The following ZNF738 variants were observed in gnomAD, a reference collection of about 807,000 sequenced individuals.
The protein encoded by ZNF738 is protein ZNF738.
In ZNF738, 10 loss-of-function variants were observed where a neutral mutation model predicts 9.2. That is an observed-to-expected ratio of 1.09 (90% CI 0.67 to 1.85). The LOEUF is 1.85. Among genes scored for constraint, ZNF738 ranks in the 40% most tolerant of loss-of-function variants. ZNF738 has a pLI of 0.00. For synonymous variants in ZNF738, 113 were observed against 94.5 expected (o/e 1.20, Z -1.14); for missense variants, 346 against 283.6 (o/e 1.22, Z -1.58).
At chr19:21,368,052 A>C (rs1241883597) in intron 2 of ZNF738, among the ~76,000 whole-genome samples, 1 of 152,194 alleles carries the variant, frequency 6.6e-6, no homozygotes, top group Non-Finnish European at 1.5e-5. Flanking sequence ...CAGAACAAAC[A>C]GTTCTTTCCA....
chr19:21,382,709 T>C (rs1401855782), intron 4 of ZNF738, among the ~76,000 whole-genome samples, 157 bp from the exon 5 acceptor site: 1 of 152,208 alleles, frequency 6.6e-6, no homozygotes, highest in Non-Finnish European at 1.5e-5. Flanking sequence ...GTTAGTATGT[T>C]TTTGTTACAT....
rs1974028436 is a variant in ZNF738 at position 21,383,333 on chromosome 19, G to C, written c.787G>C (p.Glu263Gln). Residue 263 changes from glutamate to glutamine, a missense_variant, in exon 5 of 5, where the codon GAA becomes CAA. Glu to Gln is a conservative substitution (Grantham distance 29, BLOSUM62 2). Coordinates refer to ENST00000683779, the MANE Select transcript of ZNF738 (RefSeq NM_001355237.2). ...IHTGDKSYKH[E>Q]ECGKGFNHST... ...TACTGGAGACAAATCCTACAAACAT[G>C]AAGAATGTGGAAAAGGTTTTAACCA... The C allele has an allele frequency of 1.5e-6, 2 of 1,373,274 alleles. No homozygotes were observed. The highest frequency in any genetic ancestry group is 2.0e-6 in the Non-Finnish European group (2 of 981,320). The allele number at this position is 1,373,274 out of a possible 1,614,324, so 85.1% of individuals were successfully genotyped here.
At chr19:21,376,100 G>GT (rs1188385681) in intron 4 of ZNF738, 136 bp downstream of exon 4, 2 of 474,986 alleles carry the variant, frequency 4.2e-6, no homozygotes, top group Non-Finnish European at 7.7e-6. Flanking sequence ...GAGGTGTGTG[G>GT]TTTTTTTGTT....
intron 2 of ZNF738, 84 bp downstream of exon 2, chr19:21,361,942 A>C (rs568790079): frequency 1.6e-6 from 1 of 638,324 alleles, no homozygotes; most frequent in Non-Finnish European, 2.9e-6. Context: ...TTAGCCAAGC[A>C]TGGTGGTGCA....
chr19:21,383,765 A>ACC lies in ZNF738; in HGVS notation c.*91_*92insCC. On this transcript the variant is annotated 3_prime_UTR_variant, in exon 5 of 5. Coordinates refer to ENST00000683779, the MANE Select transcript of ZNF738 (RefSeq NM_001355237.2). ...ACCCTACAAATGTGAGGAATGTGGCAAAGCTTTTAAACAGTCCTCAAACCT... is the reference window on the plus strand; with the variant it reads ...ACCCTACAAATGTGAGGAATGTGGCACCAAGCTTTTAAACAGTCCTCAAACCT... The ACC allele has an allele frequency of 8.7e-7, 1 of 1,149,372 alleles. No individual in the cohort carries two copies. The highest frequency in any genetic ancestry group is 2.4e-5 in the East Asian group (1 of 41,710). The allele number at this position is 1,149,372 out of a possible 1,614,324, so 71.2% of individuals were successfully genotyped here.
Position 21,383,569 on chromosome 19 carries a change from G to C in ZNF738, c.1023G>C (p.Glu341Asp). The C allele has an allele frequency of 9.7e-7, 1 of 1,031,020 alleles. No homozygotes were observed. The highest frequency in any genetic ancestry group is 1.5e-6 in the Non-Finnish European group (1 of 665,324). 63.9% of individuals were successfully genotyped at this position (1,031,020 alleles called of 1,614,324 possible). The change falls in exon 5 of 5, where the codon GAG becomes GAC. Residue 341 changes from glutamate (E) to aspartate (D), a missense_variant. Coordinates refer to ENST00000683779, the MANE Select transcript of ZNF738 (RefSeq NM_001355237.2). ...LTKHKIIHTG[E>D]KPYKCEECGK... ...AACATAAGATAATTCATACTGGAGA[G>C]AAACCCTACAAATGTGAGGAATGTG...
In ZNF738 at chr19:21,383,331, A is replaced by C; in HGVS notation, c.785A>C (p.His262Pro). Reference protein sequence around the residue: ...RIHTGDKSYKHEECGKGFNHS... With the variant: ...RIHTGDKSYKPEECGKGFNHS... ...CATACTGGAGACAAATCCTACAAAC[A>C]TGAAGAATGTGGAAAAGGTTTTAAC... The change falls in exon 5 of 5, where the codon CAT becomes CCT. Residue 262 changes from histidine to proline, a missense_variant. His to Pro is a moderately conservative substitution (Grantham distance 77, BLOSUM62 -2). Transcript: ENST00000683779. 7.2e-7 allele frequency: 1 copy of C among 1,380,334 alleles called. No homozygotes were observed. The highest frequency in any genetic ancestry group is 1.0e-6 in the Non-Finnish European group (1 of 987,182). The allele number at this position is 1,380,334 out of a possible 1,614,324, so 85.5% of individuals were successfully genotyped here.
chr19:21,361,328 C>T (rs1008164971), intron 1 of ZNF738, among the ~76,000 whole-genome samples: 6 of 140,902 alleles, frequency 4.3e-5, no homozygotes, highest in African/African-American at 1.3e-4. Flanking sequence ...TTAGTAGAGA[C>T]AGGGTTTCTC....
At chr19:21,364,912 A>ATTTTTTT (rs71176864) in intron 2 of ZNF738, among the ~76,000 whole-genome samples, 1 of 99,244 alleles carries the variant, frequency 1.0e-5, no homozygotes, top group African/African-American at 3.9e-5. Context: ...TACCCAGCTA[A>ATTTTTTT]TTTTTTTTTT....
In ZNF738 at chr19:21,363,288, C is replaced by CT. The variant is rs142603174; in HGVS notation, c.96+1431dup. On this transcript the variant is annotated intron_variant, in intron 2 of 4. Coordinates refer to ENST00000683779, the MANE Select transcript of ZNF738 (RefSeq NM_001355237.2). ...AGTTTCAAAAACCAAGTGAGCAACT[C>CT]TAACATGGAAATTAAAGCTTGAGCC... Among the ~76,000 whole-genome samples, 1,355 of 152,294 alleles carry CT rather than the reference C, an allele frequency of 8.9e-3. 46 individuals carry two copies. The highest frequency in any genetic ancestry group is 0.066 in the Admixed American group (1,007 of 15,294).
chr19:21,380,527 C>T (rs1973990852), intron 4 of ZNF738, among the ~76,000 whole-genome samples: 1 of 152,094 alleles, frequency 6.6e-6, no homozygotes, highest in Admixed American at 6.6e-5. Flanking sequence ...CTTTAAGAGA[C>T]CCCTCAACTA....
chr19:21,371,660 A>G (rs1973858525), intron 2 of ZNF738, among the ~76,000 whole-genome samples: 1 of 151,800 alleles, frequency 6.6e-6, no homozygotes, highest in African/African-American at 2.4e-5. Flanking sequence ...TAAGCATTAT[A>G]TGGTTGGTAC....
intron 2 of ZNF738, among the ~76,000 whole-genome samples, chr19:21,363,351 A>G (rs1973725304): frequency 6.6e-6 from 1 of 152,128 alleles, no homozygotes; most frequent in Non-Finnish European, 1.5e-5. Flanking sequence ...GAGACTGTAA[A>G]AGTAGGTTAT....
chr19:21,381,542 G>T, intron 4 of ZNF738: 1 of 732,724 alleles, frequency 1.4e-6, no homozygotes, highest in Non-Finnish European at 2.4e-6. Flanking sequence ...CACCCAGGCT[G>T]CAGTGCAGTG....
At chr19:21,360,129 G>A (rs1362919688) in intron 1 of ZNF738, among the ~76,000 whole-genome samples, 2 of 152,164 alleles carry the variant, frequency 1.3e-5, no homozygotes, top group African/African-American at 4.8e-5. Context: ...AGTAGGTGAA[G>A]CCTCAATTTT....
chr19:21,382,788 A>G (rs1340228620), intron 4 of ZNF738, 78 bp from the exon 5 acceptor site: 2 of 275,332 alleles, frequency 7.3e-6, no homozygotes, highest in Non-Finnish European at 1.4e-5. Context: ...AGTTTGTATA[A>G]TGTCATAGTT....
intron 4 of ZNF738, among the ~76,000 whole-genome samples, chr19:21,380,086 G>C (rs1358231261): frequency 6.6e-6 from 1 of 152,174 alleles, no homozygotes; most frequent in African/African-American, 2.4e-5. Context: ...GAACCAGAAA[G>C]TATATGCACA....
chr19:21,361,934 AG>A, intron 2 of ZNF738, 76 bp downstream of exon 2: 1 of 664,476 alleles, frequency 1.5e-6, no homozygotes, highest in Admixed American at 2.4e-5. Flanking sequence ...CAAAAAACTT[AG>A]CCAAGCATGG....
chr19:21,369,876 T>C lies in ZNF738; in HGVS notation c.97-5362T>C, dbSNP rs1473471614. Among the ~76,000 whole-genome samples the C allele has an allele frequency of 3.3e-5, 5 of 151,986 alleles. No homozygotes were observed. In the South Asian group the frequency reaches 6.2e-4, roughly 19 times the overall value. ...TCTCACAGGCTGGAGTGCTATGGCA[T>C]GATCTCAGCTTACTGCAACCTCCAC... On this transcript the variant is annotated intron_variant, in intron 2 of 4. Coordinates refer to ENST00000683779, the MANE Select transcript of ZNF738 (RefSeq NM_001355237.2).
Sources: allele counts gnomAD v4.1 joint callset (sites outside exome capture counted in the v4.1 genomes callset), GRCh38; gene constraint gnomAD v4.1.1; transcripts MANE v1.5; gene names NCBI Gene and HGNC (gene_info 2026-07-23, HGNC 2026-07-21).